The following USP9X variants were observed in gnomAD, a reference collection of about 807,000 sequenced individuals.
The protein encoded by USP9X is ubiquitin carboxyl-terminal hydrolase 9X.
In USP9X, 7 loss-of-function variants were observed where a neutral mutation model predicts 190.3. The ratio of observed to expected loss-of-function variants is 0.04; its 90% CI spans 0.02 to 0.07. The LOEUF (loss-of-function observed/expected upper bound fraction) is 0.07. USP9X is among the 10% of genes least tolerant of loss of function. The probability of loss-of-function intolerance (pLI) is 1.00; values close to 1 mark genes in which losing one functional copy is unlikely to be tolerated. For missense variants in USP9X, 1,010 were observed against 1,916.9 expected, an observed-to-expected ratio of 0.53 and a Z score of 8.83; for synonymous variants, 645 against 659.5, an observed-to-expected ratio of 0.98 and a Z score of 0.34.
intron 26 of USP9X, among the ~76,000 whole-genome samples, chrX:41,190,277 TGG>T (rs1256847532): frequency 9.0e-6 from 1 of 111,167 alleles, no homozygotes; most frequent in African/African-American, 3.3e-5. Flanking sequence ...GTACATGCTG[TGG>T]GGGGTAGGGT....
chrX:41,161,659 A>T (rs1409685713), intron 14 of USP9X, among the ~76,000 whole-genome samples: 2 of 28,102 alleles, frequency 7.1e-5, no homozygotes, highest in Admixed American at 4.5e-4. Context: ...TTTTTTTTTT[A>T]AAGAGACAAG....
At chrX:41,107,130 C>T (rs970523289) in intron 1 of USP9X, among the ~76,000 whole-genome samples, 5 of 107,812 alleles carry the variant, frequency 4.6e-5, no homozygotes, top group Admixed American at 9.9e-5. Context: ...GTGATCCACC[C>T]GCCCTGGCCT....
rs1446794396 is a variant in USP9X, at chrX:41,189,484, CT to C, written c.3977+15del. On this transcript the variant is annotated intron_variant, in intron 26 of 44. Transcript: ENST00000378308. ...TTGCACTGTCACAGCAAGTAAGTAT[CT>C]TTTTTAATTGTAAGAAACTTACTTT... The C allele has an allele frequency of 6.8e-6, 8 of 1,175,818 alleles. No homozygotes were observed. In the African/African-American group the frequency reaches 1.1e-4, roughly 16 times the overall value.
rs1426520512 is a variant in USP9X, at chrX:41,190,696, A to G, written c.3977+1221A>G. Among the ~76,000 whole-genome samples the G allele has an allele frequency of 5.4e-5, 6 of 111,596 alleles. No homozygotes were observed. The East Asian group carries it at 1.7e-3, about 31-fold the overall frequency. Reference sequence around the variant, plus strand: ...AGGAACTTATTTCATCTCTTAGTCTACTAACTATTAAGGAACTTGATTTAA... The same window carrying G: ...AGGAACTTATTTCATCTCTTAGTCTGCTAACTATTAAGGAACTTGATTTAA... On this transcript the variant is annotated intron_variant, in intron 26 of 44. Coordinates refer to ENST00000378308, the MANE Select transcript of USP9X (RefSeq NM_001039591.3).
intron 21 of USP9X, among the ~76,000 whole-genome samples, chrX:41,179,901 A>G (rs1394694303): frequency 9.0e-6 from 1 of 111,598 alleles, no homozygotes; most frequent in African/African-American, 3.3e-5. Context: ...CCAACTATCT[A>G]TCCCCATCTT....
At chrX:41,118,737 C>T (rs190566703) in intron 1 of USP9X, among the ~76,000 whole-genome samples, 1 of 111,966 alleles carries the variant, frequency 8.9e-6, no homozygotes, top group East Asian at 2.8e-4. Context: ...TCTTCCTACC[C>T]TTTTGTGAAT....
At position 41,224,487 on chromosome X, in the gene USP9X, T is replaced by G. The variant is rs183924571; in HGVS notation, c.6752-255T>G. ...CCGTCTCTACAAAAATACAAAAAAA[T>G]TAGCCAGGCGTGGTGACGTGCACCT... On this transcript the variant is annotated intron_variant, in intron 39 of 44. Coordinates refer to ENST00000378308, the MANE Select transcript of USP9X (RefSeq NM_001039591.3). Among the ~76,000 whole-genome samples the G allele has an allele frequency of 2.7e-5, 3 of 109,482 alleles. No homozygotes were observed. In the East Asian group the frequency reaches 8.7e-4, roughly 32 times the overall value.
At chrX:41,175,322 C>T (rs997288058) in intron 21 of USP9X, among the ~76,000 whole-genome samples, 1 of 111,021 alleles carries the variant, frequency 9.0e-6, no homozygotes, top group Non-Finnish European at 1.9e-5. Context: ...GGATTCATGA[C>T]CAGCCTGGGC....
At chrX:41,167,700 G>A (rs2147117189) in intron 17 of USP9X, 123 bp downstream of exon 17, 2 of 491,058 alleles carry the variant, frequency 4.1e-6, no homozygotes, top group East Asian at 4.0e-5. Flanking sequence ...GAAGTGATTG[G>A]GTTATTTTTA....
At chrX:41,202,659 C>T (rs2063053298) in intron 31 of USP9X, among the ~76,000 whole-genome samples, 1 of 110,893 alleles carries the variant, frequency 9.0e-6, no homozygotes, top group Non-Finnish European at 1.9e-5. Context: ...AGCACTTTCA[C>T]TTTATAAAAA....
rs750977349 is a variant in USP9X at position 41,198,642 on chromosome X, A to C, written c.4495A>C (p.Asn1499His). The part of the protein sequence containing the change: ...IPVCGSPPTI[N>H]AGFELLVALA... ...GGTCTGTGGTTCACCACCTACAATT[A>C]ATGCTGGTTTTGAATTACTTGTAGC... is the stretch of plus-strand genomic sequence containing the variant. Residue 1499 changes from asparagine to histidine, a missense_variant, in exon 30 of 45, where the codon AAT becomes CAT. Around this residue, in one of 11 missense-constraint regions of USP9X, gnomAD observed 351 missense variants for 480.8 expected, o/e 0.73. Coordinates refer to ENST00000378308, the MANE Select transcript of USP9X (RefSeq NM_001039591.3). 23 of 1,210,429 alleles carry C rather than the reference A, an allele frequency of 1.9e-5. No individual in the cohort carries two copies. The highest frequency in any genetic ancestry group is 1.2e-5 in the Non-Finnish European group (11 of 895,315).
In USP9X at chrX:41,099,205, G is replaced by C. The variant is rs765474062; in HGVS notation, c.-159+13096G>C. On this transcript the variant is annotated intron_variant, in intron 1 of 44. Coordinates refer to ENST00000378308, the MANE Select transcript of USP9X (RefSeq NM_001039591.3). ...GCAATCCTCCTGCCTCAGCCTCCCA[G>C]AGTGCTGGGATTACAGGTGTGAGCC... Among the ~76,000 whole-genome samples the C allele has an allele frequency of 1.5e-4, 15 of 97,500 alleles. 1 individual carries two copies. In the Admixed American group the frequency reaches 1.6e-3, roughly 10 times the overall value. 84.7% of individuals were successfully genotyped at this position (97,500 alleles called of 115,157 possible).
At chrX:41,087,879 A>G (rs748740221) in intron 1 of USP9X, among the ~76,000 whole-genome samples, 4 of 112,378 alleles carry the variant, frequency 3.6e-5, no homozygotes, top group Admixed American at 1.9e-4. Context: ...AGCACCAGCA[A>G]CAGTACATGT....
chrX:41,194,235 C>T lies in USP9X; in HGVS notation c.3978-2016C>T, dbSNP rs1277130889. Among the ~76,000 whole-genome samples, 3 of 111,776 alleles carry T rather than the reference C, an allele frequency of 2.7e-5. No homozygotes were observed. In the East Asian group the frequency reaches 8.5e-4, roughly 31 times the overall value. ...GGTTAGTACACAGAATGTATGCTGTCAGGTCCTTTACACTTGTACTTTAAA... is the reference window on the plus strand; with the variant it reads ...GGTTAGTACACAGAATGTATGCTGTTAGGTCCTTTACACTTGTACTTTAAA... On this transcript the variant is annotated intron_variant, in intron 26 of 44. Coordinates refer to ENST00000378308, the MANE Select transcript of USP9X (RefSeq NM_001039591.3).
intron 1 of USP9X, 100 bp downstream of exon 1, chrX:41,086,209 C>T (rs948801953): frequency 1.4e-5 from 4 of 291,468 alleles, no homozygotes; most frequent in Non-Finnish European, 2.4e-5. Flanking sequence ...GTGTGCGAGC[C>T]TCTTCCCTCG....
intron 14 of USP9X, among the ~76,000 whole-genome samples, chrX:41,159,510 A>G (rs1200411417): frequency 9.0e-6 from 1 of 110,654 alleles, no homozygotes; most frequent in Non-Finnish European, 1.9e-5. Flanking sequence ...GAAAAATACC[A>G]CATATTGCAT....
rs769663884 is a variant in USP9X, at chrX:41,137,054, AATAC to A, written c.654+34_654+37del. 2.7e-5 allele frequency: 31 copies of A among 1,136,381 alleles called. No individual in the cohort carries two copies. In the South Asian group the frequency reaches 5.8e-4, roughly 21 times the overall value. 93.7% of individuals were successfully genotyped at this position (1,136,381 alleles called of 1,213,427 possible). On this transcript the variant is annotated intron_variant, in intron 6 of 44. Coordinates refer to ENST00000378308, the MANE Select transcript of USP9X (RefSeq NM_001039591.3). ...TGGTTTGTTATTTTCAAAATTAAAT[AATAC>A]AATTGTTTTGTTCTGACACAGAATC... is the stretch of plus-strand genomic sequence containing the variant.
intron 31 of USP9X, among the ~76,000 whole-genome samples, chrX:41,202,700 C>T (rs1441942379): frequency 9.0e-6 from 1 of 111,465 alleles, no homozygotes; most frequent in Non-Finnish European, 1.9e-5. Context: ...TATACCCATA[C>T]CTGATTAAAA....
chrX:41,178,084 CTTTTTTTTTTTTTTTTTTT>C (rs758055868), intron 21 of USP9X, among the ~76,000 whole-genome samples: 1 of 34,294 alleles, frequency 2.9e-5, no homozygotes, highest in Non-Finnish European at 4.9e-5. Context: ...AGGTTTAAAT[CTTTTTTTTTTTTTTTTTTT>C]TTTTTTTTTT....
Sources: allele counts gnomAD v4.1 joint callset (sites outside exome capture counted in the v4.1 genomes callset), GRCh38; gene constraint gnomAD v4.1.1; regional missense constraint gnomAD v4.1.1; transcripts MANE v1.5; gene names NCBI Gene and HGNC (gene_info 2026-07-23, HGNC 2026-07-21).